C1QTNF7: variants seen among roughly 807,000 people sequenced by gnomAD.
The protein encoded by C1QTNF7 is C1q and TNF related 7, also known as complement C1q tumor necrosis factor-related protein 7.
A neutral mutation model predicts 19.6 loss-of-function variants in C1QTNF7; 15 were observed. The observed-to-expected ratio is 0.76, with a 90% confidence interval of 0.51 to 1.18. The LOEUF (loss-of-function observed/expected upper bound fraction) is 1.18, where lower values mean the gene tolerates loss of function less well. Among genes scored for constraint, C1QTNF7 ranks in the 50% most tolerant of loss-of-function variants. The pLI is 0.00. For synonymous variants in C1QTNF7, 142 were observed against 137.5 expected (o/e 1.03, Z -0.23); for missense variants, 324 against 359.7 (o/e 0.90, Z 0.80).
chr4:15,381,233 C>T (rs536771407), intron 1 of C1QTNF7, among the ~76,000 whole-genome samples: 1 of 151,608 alleles, frequency 6.6e-6, no homozygotes, highest in Admixed American at 6.6e-5. Context: ...CTGGCTAACA[C>T]AGTGAAACCC....
chr4:15,381,664 A>C (rs1227388620), intron 1 of C1QTNF7: 1 of 152,160 alleles, frequency 6.6e-6, no homozygotes, highest in Non-Finnish European at 1.5e-5. Flanking sequence ...AATAAATAAG[A>C]TATATAAATT....
chr4:15,359,685 T>G (rs1717269730), intron 1 of C1QTNF7, among the ~76,000 whole-genome samples: 1 of 152,148 alleles, frequency 6.6e-6, no homozygotes, highest in African/African-American at 2.4e-5. Context: ...CTTTAAAATT[T>G]TAGCATTGAC....
At chr4:15,404,578 A>G (rs1335684682) in intron 1 of C1QTNF7, among the ~76,000 whole-genome samples, 1 of 152,246 alleles carries the variant, frequency 6.6e-6, no homozygotes, top group African/African-American at 2.4e-5. Context: ...TCACTGTGGA[A>G]CAGGAAAAGG....
chr4:15,372,166 C>A (rs574546642), intron 1 of C1QTNF7, among the ~76,000 whole-genome samples: 2 of 152,288 alleles, frequency 1.3e-5, no homozygotes, highest in African/African-American at 4.8e-5. Context: ...TTCCCGCAGG[C>A]TTGCTATGGA....
At chr4:15,363,356 AG>A (rs1216555941) in intron 1 of C1QTNF7, among the ~76,000 whole-genome samples, 2 of 152,072 alleles carry the variant, frequency 1.3e-5, no homozygotes, top group Non-Finnish European at 2.9e-5. Flanking sequence ...TGTGGTCATA[AG>A]AGACCTAGGT....
chr4:15,370,405 G>T (rs1431266811), intron 1 of C1QTNF7, among the ~76,000 whole-genome samples: 1 of 152,120 alleles, frequency 6.6e-6, no homozygotes, highest in African/African-American at 2.4e-5. Flanking sequence ...AAAGAATAAT[G>T]TTCTCTAATT....
intron 1 of C1QTNF7, among the ~76,000 whole-genome samples, chr4:15,380,396 A>T (rs961818675): frequency 6.6e-6 from 1 of 152,136 alleles, no homozygotes; most frequent in African/African-American, 2.4e-5. Context: ...TAATGCTAGC[A>T]TGGGCTTTTA....
Position 15,443,411 on chromosome 4 carries a change from A to T in C1QTNF7, c.*612A>T, listed in dbSNP as rs769900330. ...AAGACAAAGCCCCTACCTATGGGCTAGTGTGTGGTGATCAAACTATCACAA... is the reference window on the plus strand; with the variant it reads ...AAGACAAAGCCCCTACCTATGGGCTTGTGTGTGGTGATCAAACTATCACAA... On this transcript the variant is annotated 3_prime_UTR_variant, in exon 3 of 3. Coordinates refer to ENST00000444304, the MANE Select transcript of C1QTNF7 (RefSeq NM_031911.5). The T allele has an allele frequency of 2.0e-5, 3 of 152,294 alleles. No individual in the cohort carries two copies. The highest frequency in any genetic ancestry group is 7.2e-5 in the African/African-American group (3 of 41,456). The allele number at this position is 152,294 out of a possible 1,614,324, so 9.4% of individuals were successfully genotyped here.
chr4:15,382,784 C>T (rs1330819409), intron 1 of C1QTNF7, among the ~76,000 whole-genome samples: 1 of 152,170 alleles, frequency 6.6e-6, no homozygotes, highest in Non-Finnish European at 1.5e-5. Context: ...TCACTGTTTC[C>T]CTTCCATACT....
chr4:15,418,693 G>A (rs528676621), intron 1 of C1QTNF7, among the ~76,000 whole-genome samples: 1 of 148,162 alleles, frequency 6.7e-6, no homozygotes, highest in Non-Finnish European at 1.5e-5. Context: ...CTAAAAAGAG[G>A]TAGTAAAATA....
intron 1 of C1QTNF7, among the ~76,000 whole-genome samples, chr4:15,343,543 T>A (rs1407428020): frequency 6.6e-6 from 1 of 152,156 alleles, no homozygotes; most frequent in Non-Finnish European, 1.5e-5. Flanking sequence ...TGCCTAAGTT[T>A]GAGGACCTAC....
chr4:15,377,977 G>A (rs968833499), intron 1 of C1QTNF7, among the ~76,000 whole-genome samples: 5 of 149,152 alleles, frequency 3.4e-5, no homozygotes, highest in Admixed American at 1.3e-4. Context: ...ATATAATAGT[G>A]AACAAGAGCC....
chr4:15,442,227 A>T lies in C1QTNF7; in HGVS notation c.298A>T (p.Thr100Ser), dbSNP rs770057901. The T allele has an allele frequency of 1.8e-5, 29 of 1,613,860 alleles. No individual in the cohort carries two copies. Among genetic ancestry groups the T allele is most frequent in the Admixed American group, 3.3e-5 (2 of 59,976 alleles). ...CGGTGAGAAAGGGGACCAAGGAGAG[A>T]CTGGGAAGAAAGGACCCATAGGACC... ...LAGEKGDQGE[T>S]GKKGPIGPEG... The change falls in exon 3 of 3, where the codon ACT (threonine) becomes TCT (serine). Residue 100 changes from threonine (T) to serine (S), a missense_variant. Transcript: ENST00000444304.
chr4:15,434,359 G>T (rs1712444112), intron 1 of C1QTNF7, among the ~76,000 whole-genome samples: 1 of 152,138 alleles, frequency 6.6e-6, no homozygotes, highest in Admixed American at 6.6e-5. Context: ...ATTCCAAGAT[G>T]TTGCAATTTC....
rs112368704 is a variant in C1QTNF7, at chr4:15,377,320, C to T, written c.13+37113C>T. Among the ~76,000 whole-genome samples, 378 of 152,238 alleles carry T rather than the reference C, an allele frequency of 2.5e-3. 1 individual carries two copies. The highest frequency in any genetic ancestry group is 7.0e-3 in the African/African-American group (291 of 41,544). ...TTATTTCCTATCTTGTTGATACCCCCGTGCTTTCTTCAACTTTTGGCCCAT... is the reference window on the plus strand; with the variant it reads ...TTATTTCCTATCTTGTTGATACCCCTGTGCTTTCTTCAACTTTTGGCCCAT... On this transcript the variant is annotated intron_variant, in intron 1 of 2. Transcript: ENST00000295297.
chr4:15,367,621 C>T (rs1263716233), intron 1 of C1QTNF7, among the ~76,000 whole-genome samples: 1 of 152,108 alleles, frequency 6.6e-6, no homozygotes, highest in Non-Finnish European at 1.5e-5. Flanking sequence ...TTGTCACCTA[C>T]AAGAAAAGCA....
chr4:15,416,341 G>T (rs1719605676), intron 1 of C1QTNF7, among the ~76,000 whole-genome samples: 1 of 152,044 alleles, frequency 6.6e-6, no homozygotes, highest in Non-Finnish European at 1.5e-5. Context: ...CATGAACATA[G>T]GCTCTGGCAC....
intron 1 of C1QTNF7, among the ~76,000 whole-genome samples, chr4:15,364,036 C>A (rs950892295): frequency 6.6e-6 from 1 of 152,156 alleles, no homozygotes; most frequent in Non-Finnish European, 1.5e-5. Flanking sequence ...CCTTTATATT[C>A]GCATTGTCTA....
intron 1 of C1QTNF7, among the ~76,000 whole-genome samples, chr4:15,363,176 T>C (rs1717401376): frequency 6.6e-6 from 1 of 152,214 alleles, no homozygotes; most frequent in African/African-American, 2.4e-5. Flanking sequence ...AGCTTTGATT[T>C]TTCTGCTTTG....
Sources: gnomAD v4.1 joint callset for allele counts (sites outside exome capture counted in the v4.1 genomes callset) on GRCh38, gnomAD v4.1.1 for gene constraint, MANE v1.5 for transcripts, NCBI Gene and HGNC (gene_info 2026-07-23, HGNC 2026-07-21) for gene names.